The following CNTNAP2 variants were observed in gnomAD, a reference collection of about 807,000 sequenced individuals.
CNTNAP2 encodes the protein contactin associated protein 2.
A neutral mutation model predicts 155.2 loss-of-function variants in CNTNAP2; 98 were observed. The ratio of observed to expected loss-of-function variants is 0.63; its 90% CI spans 0.54 to 0.75. The LOEUF (loss-of-function observed/expected upper bound fraction) is 0.75. Ranked by LOEUF, CNTNAP2 falls within the 30% of genes least tolerant of loss-of-function variation. The pLI is 0.00. For missense variants in CNTNAP2, 1,727 were observed against 1,688.1 expected (o/e 1.02, Z -0.40); for synonymous variants, 651 against 631.2 (o/e 1.03, Z -0.47).
intron 11 of CNTNAP2, among the ~76,000 whole-genome samples, chr7:147,500,143 A>C (rs1798784245): frequency 7.3e-6 from 1 of 136,460 alleles, no homozygotes; most frequent in Admixed American, 7.6e-5. Flanking sequence ...CCTCTTTGGA[A>C]ACAGTTTATG....
At chr7:146,470,623 A>G (rs545716401) in intron 1 of CNTNAP2, among the ~76,000 whole-genome samples, 5 of 152,140 alleles carry the variant, frequency 3.3e-5, no homozygotes, top group African/African-American at 9.6e-5. Context: ...AGGCTGGAGT[A>G]CAGTGGCACA....
chr7:146,612,918 C>T (rs958030396), intron 1 of CNTNAP2, among the ~76,000 whole-genome samples: 3 of 132,292 alleles, frequency 2.3e-5, no homozygotes, highest in African/African-American at 8.7e-5. Flanking sequence ...TCACTTATAG[C>T]TCTAACATCT....
At position 146,301,110 on chromosome 7, in the gene CNTNAP2, C is replaced by T. The variant is rs1207440299; in HGVS notation, c.97+184137C>T. ...TTCCTTAAGAGACCAGCAGACCCAA[C>T]ATTCCAGGTCAACAGAATCAAAGCA... is the stretch of plus-strand genomic sequence containing the variant. On this transcript the variant is annotated intron_variant, in intron 1 of 23. Transcript: ENST00000361727. 2.0e-5 allele frequency among the ~76,000 whole-genome samples: 3 copies of T among 152,098 alleles called. No homozygotes were observed. The East Asian group carries it at 5.8e-4, about 29-fold the overall frequency.
intron 2 of CNTNAP2, among the ~76,000 whole-genome samples, chr7:146,791,613 C>A (rs961277783): frequency 5.3e-5 from 8 of 152,170 alleles, no homozygotes; most frequent in African/African-American, 1.9e-4. Context: ...AATGCTGATG[C>A]TTTGTTACAG....
At chr7:148,200,246 A>T (rs2116730145) in intron 18 of CNTNAP2, among the ~76,000 whole-genome samples, 1 of 152,346 alleles carries the variant, frequency 6.6e-6, no homozygotes. Context: ...TGTCTCAATA[A>T]TTTTTACATA....
intron 1 of CNTNAP2, among the ~76,000 whole-genome samples, chr7:146,445,047 C>CA (rs1343533298): frequency 1.3e-5 from 2 of 151,812 alleles, no homozygotes; most frequent in Non-Finnish European, 2.9e-5. Context: ...ATTTCATAAA[C>CA]AAAAAAACTT....
intron 22 of CNTNAP2, among the ~76,000 whole-genome samples, chr7:148,386,248 G>T (rs1799191155): frequency 6.6e-6 from 1 of 152,138 alleles, no homozygotes; most frequent in African/African-American, 2.4e-5. Flanking sequence ...GAAAACAGTT[G>T]ACCGGGCTCG....
At chr7:147,870,844 C>G (rs748346514) in intron 13 of CNTNAP2, among the ~76,000 whole-genome samples, 1 of 151,878 alleles carries the variant, frequency 6.6e-6, no homozygotes, top group Non-Finnish European at 1.5e-5. Flanking sequence ...TTGTGGATGG[C>G]GAGGGGATAC....
intron 3 of CNTNAP2, among the ~76,000 whole-genome samples, chr7:146,864,860 C>T (rs950230110): frequency 2.0e-5 from 3 of 151,408 alleles, no homozygotes; most frequent in Non-Finnish European, 4.4e-5. Flanking sequence ...GTGGCAGGCT[C>T]CTGTGGTCCC....
In CNTNAP2 at chr7:148,172,235, T is replaced by C. The variant is rs775844114; in HGVS notation, c.2774-7T>C. 6.2e-7 allele frequency: 1 copy of C among 1,613,260 alleles called. No individual in the cohort carries two copies. Among genetic ancestry groups the C allele is most frequent in the Non-Finnish European group, 8.5e-7 (1 of 1,179,652 alleles). ...CCTCTGAACTCTGTGCCTTCTGTCA[T>C]TCCCAGGTGGTGCTGGGGGCCAGCA... On this transcript the variant is annotated splice_polypyrimidine_tract_variant and splice_region_variant and intron_variant, in intron 17 of 23. Transcript: ENST00000361727.
At position 146,757,134 on chromosome 7, in the gene CNTNAP2, C is replaced by G. The variant is rs571899652; in HGVS notation, c.98-17137C>G. ...AAAAGAACAAATGCGATGACATAAG[C>G]AGACAGTGATCCACTTGTGTTATGA... On this transcript the variant is annotated intron_variant, in intron 1 of 23. Coordinates refer to ENST00000361727, the MANE Select transcript of CNTNAP2 (RefSeq NM_014141.6). Among the ~76,000 whole-genome samples the G allele has an allele frequency of 9.2e-5, 14 of 152,128 alleles. No individual in the cohort carries two copies. The East Asian group carries it at 1.9e-3, about 21-fold the overall frequency.
intron 1 of CNTNAP2, among the ~76,000 whole-genome samples, chr7:146,487,078 G>A (rs1024796131): frequency 2.0e-5 from 3 of 152,184 alleles, no homozygotes; most frequent in South Asian, 4.2e-4. Flanking sequence ...AATGAGATTC[G>A]CTAGGACCCA....
chr7:147,865,660 G>A (rs375591881), intron 13 of CNTNAP2, among the ~76,000 whole-genome samples: 2 of 152,256 alleles, frequency 1.3e-5, no homozygotes, highest in East Asian at 3.9e-4. Context: ...TGTTGGGAGG[G>A]TGTATGTGTC....
intron 22 of CNTNAP2, among the ~76,000 whole-genome samples, chr7:148,404,939 T>A (rs977598975): frequency 3.3e-5 from 5 of 152,216 alleles, no homozygotes; most frequent in African/African-American, 9.7e-5. Flanking sequence ...TTCTCTCCTC[T>A]GCCACACTGC....
chr7:148,222,049 C>T (rs570084662), intron 19 of CNTNAP2, among the ~76,000 whole-genome samples: 16 of 152,324 alleles, frequency 1.1e-4, no homozygotes, highest in African/African-American at 3.8e-4. Context: ...TCATGTCTGC[C>T]ACGGTGTGAG....
At chr7:147,569,735 G>C (rs978250702) in intron 12 of CNTNAP2, among the ~76,000 whole-genome samples, 1 of 152,182 alleles carries the variant, frequency 6.6e-6, no homozygotes, top group African/African-American at 2.4e-5. Flanking sequence ...CTGTTATTAA[G>C]TGACACATGA....
intron 17 of CNTNAP2, among the ~76,000 whole-genome samples, chr7:148,151,702 A>G (rs906864717): frequency 1.3e-5 from 2 of 152,170 alleles, no homozygotes; most frequent in African/African-American, 4.8e-5. Flanking sequence ...CTCTTAAAGA[A>G]GCCTCTTTCA....
chr7:148,035,527 A>C (rs1360332340), intron 15 of CNTNAP2, among the ~76,000 whole-genome samples: 2 of 152,182 alleles, frequency 1.3e-5, no homozygotes, highest in Admixed American at 1.3e-4. Context: ...TATAAGGGTA[A>C]TCTTTGGTGG....
chr7:146,924,585 C>G (rs900424957), intron 3 of CNTNAP2, among the ~76,000 whole-genome samples: 3 of 151,796 alleles, frequency 2.0e-5, no homozygotes, highest in African/African-American at 7.3e-5. Context: ...CTTTGAGGGC[C>G]AGCCACTATT....
Sources: gnomAD v4.1 joint callset for allele counts (sites outside exome capture counted in the v4.1 genomes callset) on GRCh38, gnomAD v4.1.1 for gene constraint, MANE v1.5 for transcripts, NCBI Gene and HGNC (gene_info 2026-07-23, HGNC 2026-07-21) for gene names.